The following COL11A1 variants were observed in gnomAD, a reference collection of about 807,000 sequenced individuals.
COL11A1 encodes the protein collagen type XI alpha 1 chain, also known as collagen alpha-1(XI) chain.
Under a neutral mutation model 265.2 loss-of-function variants are expected in COL11A1, and 74 were observed. That is an observed-to-expected ratio of 0.28 (90% CI 0.23 to 0.34). COL11A1 has a LOEUF of 0.34. COL11A1 is among the 10% of genes least tolerant of loss of function. The pLI is 1.00. For synonymous variants in COL11A1, 816 were observed against 727.6 expected, an observed-to-expected ratio of 1.12 and a Z score of -1.96; for missense variants, 2,165 against 2,263.6, an observed-to-expected ratio of 0.96 and a Z score of 0.88.
chr1:102,907,896 A>C (rs932673934), intron 54 of COL11A1, among the ~76,000 whole-genome samples: 1 of 152,074 alleles, frequency 6.6e-6, no homozygotes, highest in Non-Finnish European at 1.5e-5. Flanking sequence ...GGATATGTGC[A>C]AAATGTCATC....
chr1:103,032,812 CTCT>C (rs1668084727), intron 4 of COL11A1, among the ~76,000 whole-genome samples: 1 of 151,950 alleles, frequency 6.6e-6, no homozygotes, highest in Admixed American at 6.6e-5. Context: ...GCTTACATTT[CTCT>C]TCTTTAAAAA....
intron 46 of COL11A1, among the ~76,000 whole-genome samples, chr1:102,926,475 C>A (rs1037044000): frequency 6.6e-6 from 1 of 152,022 alleles, no homozygotes; most frequent in Non-Finnish European, 1.5e-5. Flanking sequence ...TTATTTATGT[C>A]TATTATAATT....
At chr1:102,914,903 G>T in intron 50 of COL11A1, 92 bp from the exon 51 acceptor site, 1 of 1,007,252 alleles carries the variant, frequency 9.9e-7, no homozygotes, top group East Asian at 2.6e-5. Flanking sequence ...TGGCACACTG[G>T]GCCAGAATAT....
Position 103,067,923 on chromosome 1 carries a change from C to G in COL11A1, c.651+6695G>C, listed in dbSNP as rs182872320. Among the ~76,000 whole-genome samples, 474 of 151,450 alleles carry G rather than the reference C, an allele frequency of 3.1e-3. 3 individuals are homozygous for G. Among genetic ancestry groups the G allele is most frequent in the African/African-American group, 0.011 (455 of 41,414 alleles). On this transcript the variant is annotated intron_variant, in intron 4 of 66. Transcript: ENST00000370096. ...GAAGAAACAGAAAAACCGAATTAAC[C>G]TGTATCGAGTAAAGAAATTGAATAT... is the stretch of plus-strand genomic sequence containing the variant.
chr1:103,017,804 A>T lies in COL11A1; in HGVS notation c.1413+16T>A. ...TGACATGCATTTGTAATGAGATATC[A>T]TGTCCATTCACTTACCCTATCGCCA... is the stretch of plus-strand genomic sequence containing the variant. On this transcript the variant is annotated intron_variant, in intron 11 of 66. Coordinates refer to ENST00000370096, the MANE Select transcript of COL11A1 (RefSeq NM_001854.4). 6.2e-7 allele frequency: 1 copy of T among 1,605,520 alleles called. No homozygotes were observed. Among genetic ancestry groups the T allele is most frequent in the Non-Finnish European group, 8.5e-7 (1 of 1,172,240 alleles).
chr1:102,951,705 A>T (rs1447864729), intron 41 of COL11A1, among the ~76,000 whole-genome samples: 1 of 152,074 alleles, frequency 6.6e-6, no homozygotes, highest in Non-Finnish European at 1.5e-5. Context: ...GCGCCACTGC[A>T]CTCCAGAGCC....
intron 40 of COL11A1, 83 bp from the exon 41 acceptor site, chr1:102,962,002 G>T: frequency 7.8e-7 from 1 of 1,278,656 alleles, no homozygotes; most frequent in Non-Finnish European, 1.1e-6. Context: ...AGTAAAATAA[G>T]GATGTCAGGT....
In COL11A1 at chr1:102,962,160, T is replaced by C. The variant is rs980712864; in HGVS notation, c.3114+16A>G. The C allele has an allele frequency of 1.9e-6, 3 of 1,581,894 alleles. No individual in the cohort carries two copies. The highest frequency in any genetic ancestry group is 1.7e-5 in the Admixed American group (1 of 59,906). On this transcript the variant is annotated intron_variant, in intron 40 of 66. Coordinates refer to ENST00000370096, the MANE Select transcript of COL11A1 (RefSeq NM_001854.4). ...ATTGGAATCACTTGCTTTATCTATATAGATATTGATTATACCTGAGCTCCA... is the reference window on the plus strand; with the variant it reads ...ATTGGAATCACTTGCTTTATCTATACAGATATTGATTATACCTGAGCTCCA...
intron 32 of COL11A1, 48 bp from the exon 33 acceptor site, chr1:102,979,152 A>G: frequency 6.4e-7 from 1 of 1,552,582 alleles, no homozygotes; most frequent in Non-Finnish European, 8.9e-7. Context: ...ACAGTAAATT[A>G]TGAGCCTGGT....
intron 42 of COL11A1, among the ~76,000 whole-genome samples, chr1:102,942,907 T>C (rs1205869607): frequency 6.6e-6 from 1 of 152,080 alleles, no homozygotes; most frequent in Non-Finnish European, 1.5e-5. Flanking sequence ...ACTGTGATTA[T>C]CTTCTTTTCA....
At position 102,998,293 on chromosome 1, in the gene COL11A1, A is replaced by G. The variant is rs762456079; in HGVS notation, c.2196+17T>C. On this transcript the variant is annotated intron_variant, in intron 25 of 66. Coordinates refer to ENST00000370096, the MANE Select transcript of COL11A1 (RefSeq NM_001854.4). ...ATAATGTAAAGAAATTTTAATGACC[A>G]GGTAGCTGTTACTTACAGGAGGCCC... The G allele has an allele frequency of 1.4e-5, 22 of 1,600,708 alleles. No homozygotes were observed. Among genetic ancestry groups the G allele is most frequent in the South Asian group, 6.7e-5 (6 of 90,204 alleles).
At chr1:102,914,602 A>G (rs1464039988) in intron 51 of COL11A1, 102 bp downstream of exon 51, 2 of 999,184 alleles carry the variant, frequency 2.0e-6, no homozygotes, top group East Asian at 2.6e-5. Context: ...AGTCAGATTT[A>G]CCATCTATGT....
Position 102,898,674 on chromosome 1 carries a change from C to A in COL11A1, c.4240G>T (p.Gly1414Cys), listed in dbSNP as rs1377996908. 1.2e-6 allele frequency: 2 copies of A among 1,611,826 alleles called. No homozygotes were observed. The highest frequency in any genetic ancestry group is 1.7e-6 in the Non-Finnish European group (2 of 1,178,776). The part of the protein sequence containing the change: ...PGPEGLRGIP[G>C]PVGEQGLPGA... Reference sequence around the variant, plus strand: ...TTAACACAGATGCTCACCACAGGACCAGGGATGCCCCGAAGACCTTCTGGA... The same window carrying A: ...TTAACACAGATGCTCACCACAGGACAAGGGATGCCCCGAAGACCTTCTGGA... Residue 1414 changes from glycine (G) to cysteine (C), a missense_variant, in exon 56 of 67, where the codon GGT becomes TGT. Gly to Cys is a radical substitution (Grantham distance 159, BLOSUM62 -3). Transcript: ENST00000370096.
chr1:103,003,033 A>T (rs1016547679), intron 21 of COL11A1, among the ~76,000 whole-genome samples, 182 bp downstream of exon 21: 4 of 152,174 alleles, frequency 2.6e-5, no homozygotes. Context: ...TAAGATAGAT[A>T]ATCAAAAGGA....
rs551144267 is a variant in COL11A1, at chr1:103,002,074, A to G, written c.2098-105T>C. 301 of 941,118 alleles carry G rather than the reference A, an allele frequency of 3.2e-4. 1 individual carries two copies. In the African/African-American group the frequency reaches 4.6e-3, roughly 15 times the overall value. 58.3% of individuals were successfully genotyped at this position (941,118 alleles called of 1,614,324 possible). ...CTATAGTACACAGTGAGTTATAAGAATCTGTATATATTCCCATACACCCCA... is the reference window on the plus strand; with the variant it reads ...CTATAGTACACAGTGAGTTATAAGAGTCTGTATATATTCCCATACACCCCA... On this transcript the variant is annotated intron_variant, in intron 23 of 66. Coordinates refer to ENST00000370096, the MANE Select transcript of COL11A1 (RefSeq NM_001854.4).
intron 4 of COL11A1, among the ~76,000 whole-genome samples, chr1:103,071,241 A>T (rs1671559965): frequency 6.8e-6 from 1 of 147,862 alleles, no homozygotes; most frequent in Non-Finnish European, 1.5e-5. Context: ...ATCTGTTTTG[A>T]TTATTTTAAA....
intron 1 of COL11A1, among the ~76,000 whole-genome samples, chr1:103,101,698 G>A (rs1674284566): frequency 6.6e-6 from 1 of 150,608 alleles, no homozygotes; most frequent in Non-Finnish European, 1.5e-5. Context: ...AGCCATTCAA[G>A]AGCAATTAAA....
At chr1:102,953,547 T>C (rs1424812722) in intron 41 of COL11A1, among the ~76,000 whole-genome samples, 2 of 152,178 alleles carry the variant, frequency 1.3e-5, no homozygotes, top group Non-Finnish European at 2.9e-5. Context: ...TCATATTTAA[T>C]ATAACTAAAG....
At chr1:103,008,656 T>C in intron 14 of COL11A1, 140 bp from the exon 15 acceptor site, 1 of 790,388 alleles carries the variant, frequency 1.3e-6, no homozygotes, top group South Asian at 1.6e-5. Context: ...ATTAACACAG[T>C]AAAATTTTCC....
Sources: gnomAD v4.1 joint callset for allele counts (sites outside exome capture counted in the v4.1 genomes callset) on GRCh38, gnomAD v4.1.1 for gene constraint, MANE v1.5 for transcripts, NCBI Gene and HGNC (gene_info 2026-07-23, HGNC 2026-07-21) for gene names.